The following TNFRSF10B variants were observed in gnomAD, a reference collection of about 807,000 sequenced individuals.
TNFRSF10B encodes tumor necrosis factor receptor superfamily member 10B.
A neutral mutation model predicts 41.4 loss-of-function variants in TNFRSF10B; 35 were observed. That is an observed-to-expected ratio of 0.85 (90% CI 0.65 to 1.12). TNFRSF10B has a LOEUF of 1.12. Ranked by LOEUF, TNFRSF10B falls within the 50% of genes most tolerant of loss-of-function variation. TNFRSF10B has a pLI of 0.00. For synonymous variants in TNFRSF10B, 230 were observed against 215.5 expected, an observed-to-expected ratio of 1.07 and a Z score of -0.59; for missense variants, 584 against 552.7, an observed-to-expected ratio of 1.06 and a Z score of -0.57.
At chr8:23,051,656 T>G (rs1209743895) in intron 1 of TNFRSF10B, among the ~76,000 whole-genome samples, 1 of 152,076 alleles carries the variant, frequency 6.6e-6, no homozygotes, top group East Asian at 1.9e-4. Flanking sequence ...GCCATTCTCC[T>G]GCCTCAGCCT....
At chr8:23,056,025 C>T (rs1812654969) in intron 1 of TNFRSF10B, among the ~76,000 whole-genome samples, 1 of 152,172 alleles carries the variant, frequency 6.6e-6, no homozygotes, top group Admixed American at 6.5e-5. Context: ...CTCTTTCTTC[C>T]CAGTTCATTG....
intron 4 of TNFRSF10B, 128 bp downstream of exon 4, chr8:23,029,482 C>G (rs1249427190): frequency 6.8e-6 from 6 of 880,088 alleles, no homozygotes; most frequent in Middle Eastern, 2.8e-4. Flanking sequence ...GCAGAGGGAC[C>G]AGGAGGGGCA....
At chr8:23,038,374 A>G (rs1812080611) in intron 2 of TNFRSF10B, among the ~76,000 whole-genome samples, 1 of 152,252 alleles carries the variant, frequency 6.6e-6, no homozygotes, top group Admixed American at 6.5e-5. Flanking sequence ...ATGCACAGCG[A>G]AAGAAGCTTC....
At chr8:23,066,539 G>C (rs139729391) in intron 1 of TNFRSF10B, among the ~76,000 whole-genome samples, 1 of 152,048 alleles carries the variant, frequency 6.6e-6, no homozygotes, top group African/African-American at 2.4e-5. Context: ...ACATTCTAAC[G>C]TAAATATAAT....
intron 1 of TNFRSF10B, among the ~76,000 whole-genome samples, chr8:23,051,861 A>C (rs990862900): frequency 1.1e-4 from 16 of 152,026 alleles, no homozygotes; most frequent in Non-Finnish European, 1.5e-4. Context: ...CTAACTTCTA[A>C]TCTTCTGGCC....
Position 23,022,925 on chromosome 8 carries a change from G to GCAGC in TNFRSF10B, c.1068_1069insGCTG (p.Leu357AlafsTer12). On this transcript the variant is annotated frameshift_variant, in exon 9 of 9. Coordinates refer to ENST00000276431, the MANE Select transcript of TNFRSF10B (RefSeq NM_003842.5). LOFTEE classifies it low-confidence loss of function (END_TRUNC). Reference sequence around the variant, plus strand: ...TCCATGAGGCCCAACTTCCTCATGAGCGGCTCCCAGGAGTCAAAGGGCACC... The same window carrying GCAGC: ...TCCATGAGGCCCAACTTCCTCATGAGCAGCCGGCTCCCAGGAGTCAAAGGGCACC... 2 of 1,613,984 alleles carry GCAGC rather than the reference G, an allele frequency of 1.2e-6. No individual in the cohort carries two copies. The highest frequency in any genetic ancestry group is 2.2e-5 in the South Asian group (2 of 91,076).
At position 23,068,741 on chromosome 8, in the gene TNFRSF10B, G is replaced by A. The variant is rs1018250898; in HGVS notation, c.144+10C>T. On this transcript the variant is annotated intron_variant, in intron 1 of 8. Transcript: ENST00000276431. Reference sequence around the variant, plus strand: ...CTCTTCCCCAGCCAGGGACCGCGGCGGGGACTCACCAACAGCAGGACCGCG... The same window carrying A: ...CTCTTCCCCAGCCAGGGACCGCGGCAGGGACTCACCAACAGCAGGACCGCG... 1.9e-6 allele frequency: 3 copies of A among 1,570,106 alleles called. No homozygotes were observed. Among genetic ancestry groups the A allele is most frequent in the South Asian group, 2.3e-5 (2 of 87,322 alleles).
intron 1 of TNFRSF10B, among the ~76,000 whole-genome samples, chr8:23,065,787 T>G (rs1474268082): frequency 6.6e-6 from 1 of 151,246 alleles, no homozygotes; most frequent in Non-Finnish European, 1.5e-5. Context: ...GAAAGCAAAA[T>G]TCACAATGTC....
chr8:23,023,277 G>A (rs554144335), intron 8 of TNFRSF10B, among the ~76,000 whole-genome samples: 1 of 152,226 alleles, frequency 6.6e-6, no homozygotes, highest in Non-Finnish European at 1.5e-5. Flanking sequence ...AGAAAGTAAA[G>A]TGCGTGAGAG....
At chr8:23,027,495 G>A in intron 6 of TNFRSF10B, 1 of 780,948 alleles carries the variant, frequency 1.3e-6, no homozygotes, top group Non-Finnish European at 2.1e-6. Context: ...CATCCCTAGG[G>A]TGCAGGCTGT....
chr8:23,032,495 GT>G (rs1811912294), intron 2 of TNFRSF10B, among the ~76,000 whole-genome samples: 1 of 152,106 alleles, frequency 6.6e-6, no homozygotes, highest in Non-Finnish European at 1.5e-5. Flanking sequence ...TTACCAGATT[GT>G]TTTTGGTCAA....
At chr8:23,057,036 CTTTT>C (rs138262629) in intron 1 of TNFRSF10B, among the ~76,000 whole-genome samples, 96 of 135,908 alleles carry the variant, frequency 7.1e-4, no homozygotes, top group African/African-American at 1.7e-3. Context: ...TCTTTTATGA[CTTTT>C]TTTTTTTTTT....
rs561286919 is a variant in TNFRSF10B, at chr8:23,055,292, G to A, written c.145-12049C>T. On this transcript the variant is annotated intron_variant, in intron 1 of 8. Coordinates refer to ENST00000276431, the MANE Select transcript of TNFRSF10B (RefSeq NM_003842.5). ...GAACAAATCAACCTCCTCCACTCCA[G>A]TACTGCATTTGGTGCCCCATAACAA... Among the ~76,000 whole-genome samples, 5 of 152,100 alleles carry A rather than the reference G, an allele frequency of 3.3e-5. No individual in the cohort carries two copies. The South Asian group carries it at 1.0e-3, about 32-fold the overall frequency.
At position 23,050,422 on chromosome 8, in the gene TNFRSF10B, T is replaced by A. The variant is rs186497478; in HGVS notation, c.145-7179A>T. Among the ~76,000 whole-genome samples the A allele has an allele frequency of 2.0e-5, 3 of 152,244 alleles. No individual in the cohort carries two copies. The East Asian group carries it at 5.8e-4, about 29-fold the overall frequency. On this transcript the variant is annotated intron_variant, in intron 1 of 8. Transcript: ENST00000276431. The stretch of plus-strand genomic sequence containing the variant: ...GAAGCTCAATGATTGGGAGTCAGCT[T>A]AATTAAAAGCTAACATCCAAAATGT...
chr8:23,028,865 G>A (rs969816307), intron 4 of TNFRSF10B, among the ~76,000 whole-genome samples: 1 of 152,068 alleles, frequency 6.6e-6, no homozygotes, highest in African/African-American at 2.4e-5. Flanking sequence ...CACACACTGA[G>A]CTTCCCTGGG....
At position 23,033,620 on chromosome 8, in the gene TNFRSF10B, A is replaced by AAAAAAAAAAAG. The variant is rs1563310598; in HGVS notation, c.251-2749_251-2748insCTTTTTTTTTT. On this transcript the variant is annotated intron_variant, in intron 2 of 8. Transcript: ENST00000276431. ...AAAAAAAAAAAAAAAAAAAAAAAAA[A>AAAAAAAAAAAG]AGAACCCTGGAAAAGGTAACTATTT... Among the ~76,000 whole-genome samples, 48 of 107,750 alleles carry AAAAAAAAAAAG rather than the reference A, an allele frequency of 4.5e-4. 4 individuals carry two copies. The highest frequency in any genetic ancestry group is 1.4e-3 in the African/African-American group (45 of 31,794). The allele number at this position is 107,750 out of a possible 152,430, so 70.7% of individuals were successfully genotyped here. A position where few individuals can be genotyped will look rare whatever the true frequency, so the allele number is the denominator to read the frequency against.
chr8:23,066,069 G>C (rs2128822392), intron 1 of TNFRSF10B, among the ~76,000 whole-genome samples: 1 of 152,316 alleles, frequency 6.6e-6, no homozygotes, highest in East Asian at 1.9e-4. Flanking sequence ...GATTCCTTGA[G>C]CGCAGGAGTT....
At chr8:23,047,716 G>A (rs1812405006) in intron 1 of TNFRSF10B, among the ~76,000 whole-genome samples, 1 of 152,194 alleles carries the variant, frequency 6.6e-6, no homozygotes, top group Admixed American at 6.5e-5. Context: ...AAGTGTTGGT[G>A]AGGATATGGA....
At chr8:23,050,858 G>C (rs1260629650) in intron 1 of TNFRSF10B, among the ~76,000 whole-genome samples, 2 of 152,138 alleles carry the variant, frequency 1.3e-5, no homozygotes, top group Admixed American at 1.3e-4. Context: ...CTGATCACTT[G>C]AAGTCAGGAG....
Sources: allele counts gnomAD v4.1 joint callset (sites outside exome capture counted in the v4.1 genomes callset), GRCh38; gene constraint gnomAD v4.1.1; transcripts MANE v1.5; gene names NCBI Gene and HGNC (gene_info 2026-07-23, HGNC 2026-07-21).